SLC9A9: variants seen among roughly 807,000 people sequenced by gnomAD.
The protein encoded by SLC9A9 is sodium/hydrogen exchanger 9.
In SLC9A9, 62 loss-of-function variants were observed where a neutral mutation model predicts 77.8. The ratio of observed to expected loss-of-function variants is 0.80; its 90% CI spans 0.65 to 0.98. SLC9A9 has a LOEUF of 0.98. Ranked by LOEUF, SLC9A9 falls within the 50% of genes least tolerant of loss-of-function variation. The pLI, the probability that SLC9A9 is intolerant of heterozygous loss-of-function variation, is 0.00. For synonymous variants in SLC9A9, 320 were observed against 283.5 expected, an observed-to-expected ratio of 1.13 and a Z score of -1.29; for missense variants, 775 against 774.9, an observed-to-expected ratio of 1.00 and a Z score of 0.00.
intron 4 of SLC9A9, among the ~76,000 whole-genome samples, chr3:143,780,635 G>T (rs2007842397): frequency 6.6e-6 from 1 of 152,210 alleles, no homozygotes. Flanking sequence ...TATTCTAAGG[G>T]ATTGGAAAGG....
intron 8 of SLC9A9, among the ~76,000 whole-genome samples, chr3:143,563,141 G>A (rs12633124): frequency 0.13 from 19,780 of 152,106 alleles, 1,643 homozygotes; most frequent in African/African-American, 0.23. Context: ...GAGGCACACG[G>A]TTAAATTCAA....
intron 2 of SLC9A9, among the ~76,000 whole-genome samples, chr3:143,808,386 G>A (rs1395538672): frequency 6.6e-6 from 1 of 152,118 alleles, no homozygotes; most frequent in African/African-American, 2.4e-5. Flanking sequence ...TAAAACCAAT[G>A]TATTACATTA....
chr3:143,342,603 C>A (rs184728630), intron 14 of SLC9A9, among the ~76,000 whole-genome samples: 1 of 152,298 alleles, frequency 6.6e-6, no homozygotes, highest in African/African-American at 2.4e-5. Context: ...AATAAAATAA[C>A]CTTCAAGGCC....
chr3:143,693,353 G>A, intron 4 of SLC9A9, 46 bp from the exon 5 acceptor site: 2 of 1,431,720 alleles, frequency 1.4e-6, no homozygotes, highest in Non-Finnish European at 2.0e-6. Context: ...GATGAACCCT[G>A]TGTAAACCCA....
intron 6 of SLC9A9, among the ~76,000 whole-genome samples, chr3:143,615,912 G>T (rs918529413): frequency 1.4e-5 from 2 of 146,388 alleles, no homozygotes; most frequent in Non-Finnish European, 3.0e-5. Flanking sequence ...ACAGAGTCTC[G>T]CTCTGTTGCC....
rs139691425 is a variant in SLC9A9 at position 143,767,952 on chromosome 3, A to C, written c.533+27049T>G. Reference sequence around the variant, plus strand: ...TATTTTCTTGAAGACAGCTGGTGTAAATGCTAATGTTTGCTTTGCTGTTAA... The same window carrying C: ...TATTTTCTTGAAGACAGCTGGTGTACATGCTAATGTTTGCTTTGCTGTTAA... On this transcript the variant is annotated intron_variant, in intron 4 of 15. Coordinates refer to ENST00000316549, the MANE Select transcript of SLC9A9 (RefSeq NM_173653.4). Among the ~76,000 whole-genome samples, 12 of 117,206 alleles carry C rather than the reference A, an allele frequency of 1.0e-4. No homozygotes were observed. In the East Asian group the frequency reaches 2.3e-3, roughly 22 times the overall value. 76.9% of individuals were successfully genotyped at this position (117,206 alleles called of 152,430 possible). A position where few individuals can be genotyped will look rare whatever the true frequency, so the allele number is the denominator to read the frequency against.
chr3:143,797,037 G>A, intron 2 of SLC9A9, 134 bp from the exon 3 acceptor site: 2 of 662,858 alleles, frequency 3.0e-6, no homozygotes, highest in Admixed American at 3.0e-5. Context: ...TGGCAGAGAT[G>A]AAGGTAGGAA....
intron 12 of SLC9A9, among the ~76,000 whole-genome samples, chr3:143,429,399 C>T (rs1216604348): frequency 6.6e-6 from 1 of 152,104 alleles, no homozygotes; most frequent in Non-Finnish European, 1.5e-5. Context: ...CATAATAGGA[C>T]TGTGTGAAAG....
At chr3:143,360,737 G>T (rs1559882585) in intron 14 of SLC9A9, among the ~76,000 whole-genome samples, 1 of 152,118 alleles carries the variant, frequency 6.6e-6, no homozygotes, top group Non-Finnish European at 1.5e-5. Context: ...ATTAAGAGGG[G>T]TTTTCTATCT....
At position 143,396,609 on chromosome 3, in the gene SLC9A9, G is replaced by T. The variant is rs144631414; in HGVS notation, c.1470-14495C>A. Among the ~76,000 whole-genome samples the T allele has an allele frequency of 4.2e-3, 646 of 152,108 alleles. 4 individuals are homozygous for T. The highest frequency in any genetic ancestry group is 0.015 in the African/African-American group (615 of 41,528). The stretch of plus-strand genomic sequence containing the variant: ...AAGTATAATAATAAAAAAAATTCAT[G>T]TAAGGGGCTTGGCACAGGATCTAGC... On this transcript the variant is annotated intron_variant, in intron 12 of 15. Coordinates refer to ENST00000316549, the MANE Select transcript of SLC9A9 (RefSeq NM_173653.4).
intron 12 of SLC9A9, among the ~76,000 whole-genome samples, chr3:143,383,486 AG>A (rs1338183735): frequency 6.6e-6 from 1 of 152,232 alleles, no homozygotes. Flanking sequence ...AGGAAGCTGT[AG>A]TGGAAAGAAA....
intron 13 of SLC9A9, among the ~76,000 whole-genome samples, chr3:143,373,918 A>G (rs2033115213): frequency 6.6e-6 from 1 of 152,180 alleles, no homozygotes. Context: ...GCAATAGTTG[A>G]ATATTTCCCG....
chr3:143,269,017 G>T, intron 14 of SLC9A9, 37 bp from the exon 15 acceptor site: 1 of 1,478,384 alleles, frequency 6.8e-7, no homozygotes. Flanking sequence ...TCAACAGGGA[G>T]TTAGGATTTA....
At chr3:143,563,498 G>T (rs1381351832) in intron 8 of SLC9A9, among the ~76,000 whole-genome samples, 1 of 152,124 alleles carries the variant, frequency 6.6e-6, no homozygotes, top group Non-Finnish European at 1.5e-5. Context: ...TTGCTAGTTT[G>T]ATGACTGATG....
chr3:143,657,396 T>C (rs2038908808), intron 5 of SLC9A9, among the ~76,000 whole-genome samples: 1 of 152,196 alleles, frequency 6.6e-6, no homozygotes, highest in Non-Finnish European at 1.5e-5. Flanking sequence ...ATGCACACAC[T>C]TGTAGCCTTC....
chr3:143,518,868 C>G (rs1177571671), intron 9 of SLC9A9, among the ~76,000 whole-genome samples: 1 of 152,172 alleles, frequency 6.6e-6, no homozygotes, highest in Non-Finnish European at 1.5e-5. Context: ...TACTTGTCTC[C>G]TGATGTGCAT....
chr3:143,567,281 G>A (rs1241019513), intron 8 of SLC9A9, among the ~76,000 whole-genome samples: 1 of 152,094 alleles, frequency 6.6e-6, no homozygotes, highest in Non-Finnish European at 1.5e-5. Context: ...CAATCCTTTA[G>A]CAAGTCAGCT....
rs150190618 is a variant in SLC9A9 at position 143,284,767 on chromosome 3, T to C, written c.1605-15787A>G. 3.6e-3 allele frequency among the ~76,000 whole-genome samples: 552 copies of C among 152,218 alleles called. 2 individuals carry two copies. The highest frequency in any genetic ancestry group is 0.012 in the African/African-American group (513 of 41,540). ...AAATACTTTTTCAAAAAACTTGAAG[T>C]CTTATGGGAACCAGCCTGCAATGCT... On this transcript the variant is annotated intron_variant, in intron 14 of 15. Coordinates refer to ENST00000316549, the MANE Select transcript of SLC9A9 (RefSeq NM_173653.4).
At chr3:143,477,314 C>T (rs913049072) in intron 11 of SLC9A9, among the ~76,000 whole-genome samples, 1 of 150,168 alleles carries the variant, frequency 6.7e-6, no homozygotes, top group Non-Finnish European at 1.5e-5. Context: ...TCAAAATCAC[C>T]TGAAGGGCTT....
Sources: allele counts gnomAD v4.1 joint callset (sites outside exome capture counted in the v4.1 genomes callset), GRCh38; gene constraint gnomAD v4.1.1; transcripts MANE v1.5; gene names NCBI Gene and HGNC (gene_info 2026-07-23, HGNC 2026-07-21).